ULK4: variants seen among roughly 807,000 people sequenced by gnomAD.
ULK4 encodes the protein inactive serine/threonine-protein kinase ULK4.
Under a neutral mutation model 160.6 loss-of-function variants are expected in ULK4, and 133 were observed. The observed-to-expected ratio is 0.83, with a 90% CI of 0.72 to 0.96. The LOEUF is 0.96. ULK4 is among the 40% of genes least tolerant of loss of function. ULK4 has a pLI of 0.00. For missense variants in ULK4, 1,580 were observed against 1,499.5 expected, an observed-to-expected ratio of 1.05 and a Z score of -0.89; for synonymous variants, 534 against 539.8, an observed-to-expected ratio of 0.99 and a Z score of 0.15.
At chr3:41,759,359 C>G (rs2038912302) in intron 21 of ULK4, among the ~76,000 whole-genome samples, 1 of 152,096 alleles carries the variant, frequency 6.6e-6, no homozygotes, top group African/African-American at 2.4e-5. Context: ...GAAAATAAAT[C>G]CTTTTTAAAG....
intron 3 of ULK4, among the ~76,000 whole-genome samples, chr3:41,937,550 GTTA>G (rs1459718240): frequency 6.7e-6 from 1 of 149,770 alleles, no homozygotes; most frequent in Non-Finnish European, 1.5e-5. Context: ...CTTAGCAGTG[GTTA>G]TTACATTTTT....
intron 19 of ULK4, among the ~76,000 whole-genome samples, chr3:41,809,847 T>C (rs953651787): frequency 6.6e-6 from 1 of 152,232 alleles, no homozygotes; most frequent in Non-Finnish European, 1.5e-5. Flanking sequence ...AGTTTATCTA[T>C]TGGGATGTTG....
At chr3:41,579,739 G>A (rs1351061941) in intron 31 of ULK4, among the ~76,000 whole-genome samples, 9 of 151,948 alleles carry the variant, frequency 5.9e-5, no homozygotes, top group East Asian at 1.9e-4. Flanking sequence ...TGATCCGCCC[G>A]TCTCGGCCTC....
intron 27 of ULK4, among the ~76,000 whole-genome samples, chr3:41,704,230 G>A (rs1020957245): frequency 7.3e-4 from 111 of 152,130 alleles, no homozygotes; most frequent in Admixed American, 5.2e-4. Context: ...AATGCTAAAT[G>A]GGACAGAACA....
intron 35 of ULK4, among the ~76,000 whole-genome samples, chr3:41,320,048 C>T (rs1227954592): frequency 6.6e-6 from 1 of 152,150 alleles, no homozygotes; most frequent in East Asian, 1.9e-4. Context: ...CGATAATAAA[C>T]TTGTGTTTTC....
At chr3:41,665,957 G>T (rs2035338583) in intron 29 of ULK4, among the ~76,000 whole-genome samples, 1 of 152,190 alleles carries the variant, frequency 6.6e-6, no homozygotes, top group Non-Finnish European at 1.5e-5. Context: ...ACAGTGAAAG[G>T]ATGCAGATTA....
chr3:41,508,081 G>T (rs1469881180), intron 32 of ULK4, among the ~76,000 whole-genome samples: 10 of 152,224 alleles, frequency 6.6e-5, no homozygotes, highest in Admixed American at 6.5e-4. Flanking sequence ...TAGAGTCGGT[G>T]CCGCTGGGGA....
chr3:41,919,790 A>C lies in ULK4; in HGVS notation c.570T>G (p.Val190=), dbSNP rs769680520. The change falls in exon 6 of 37, where the codon GTT becomes GTG. Residue 190 remains valine, a synonymous_variant. Coordinates refer to ENST00000301831, the MANE Select transcript of ULK4 (RefSeq NM_017886.4). ...KGSPVYTAPE[V]VRGADFSISS... ...AGATGGAAAAGTCAGCACCCCTCAC[A>C]ACTTCTGGTGCTGTATATACAGGAG... The C allele has an allele frequency of 2.5e-6, 4 of 1,614,084 alleles. No individual in the cohort carries two copies. The highest frequency in any genetic ancestry group is 3.4e-6 in the Non-Finnish European group (4 of 1,179,958).
At chr3:41,274,284 G>A (rs937321780) in intron 35 of ULK4, among the ~76,000 whole-genome samples, 5 of 152,078 alleles carry the variant, frequency 3.3e-5, no homozygotes, top group Non-Finnish European at 7.3e-5. Flanking sequence ...GACCAGATAC[G>A]GAAATTCTCA....
intron 34 of ULK4, among the ~76,000 whole-genome samples, chr3:41,446,259 C>T (rs965931848): frequency 9.2e-4 from 140 of 152,242 alleles, no homozygotes; most frequent in Non-Finnish European, 1.6e-3. Context: ...GAAATAGGAA[C>T]ATTTTTACAC....
At chr3:41,530,325 G>A (rs2086260820) in intron 32 of ULK4, among the ~76,000 whole-genome samples, 1 of 152,166 alleles carries the variant, frequency 6.6e-6, no homozygotes, top group African/African-American at 2.4e-5. Flanking sequence ...AAAAGATAGG[G>A]TTCAGAAAAC....
intron 34 of ULK4, among the ~76,000 whole-genome samples, chr3:41,439,355 C>T (rs2083108085): frequency 6.6e-6 from 1 of 152,100 alleles, no homozygotes; most frequent in South Asian, 2.1e-4. Flanking sequence ...GAAACAAGAG[C>T]ATCACAAAAC....
At chr3:41,395,706 T>A (rs1461587534) in intron 35 of ULK4, among the ~76,000 whole-genome samples, 1 of 152,174 alleles carries the variant, frequency 6.6e-6, no homozygotes, top group African/African-American at 2.4e-5. Context: ...ATAATAGTGA[T>A]GGTTGCACAA....
At chr3:41,388,492 G>C (rs1307556522) in intron 35 of ULK4, among the ~76,000 whole-genome samples, 1 of 152,026 alleles carries the variant, frequency 6.6e-6, no homozygotes, top group South Asian at 2.1e-4. Context: ...TTCATCTAGG[G>C]TTTTTATGGT....
chr3:41,878,081 G>GAAA (rs35037891), intron 17 of ULK4, among the ~76,000 whole-genome samples: 5 of 108,284 alleles, frequency 4.6e-5, no homozygotes, highest in Admixed American at 1.0e-4. Context: ...GCTCTACCAG[G>GAAA]AAAAAAAAAA....
At chr3:41,350,991 C>A (rs1035637797) in intron 35 of ULK4, among the ~76,000 whole-genome samples, 1 of 152,286 alleles carries the variant, frequency 6.6e-6, no homozygotes, top group South Asian at 2.1e-4. Flanking sequence ...TTCTCTCATT[C>A]ATGTGGCAGA....
At chr3:41,308,730 A>G (rs1388638308) in intron 35 of ULK4, among the ~76,000 whole-genome samples, 1 of 152,238 alleles carries the variant, frequency 6.6e-6, no homozygotes, top group Non-Finnish European at 1.5e-5. Flanking sequence ...GAATGCTGAC[A>G]TGATGTTCAA....
At position 41,901,549 on chromosome 3, in the gene ULK4, C is replaced by T. The variant is rs184945030; in HGVS notation, c.1183-720G>A. 2.6e-3 allele frequency among the ~76,000 whole-genome samples: 352 copies of T among 136,582 alleles called. 1 individual carries two copies. Among genetic ancestry groups the T allele is most frequent in the African/African-American group, 7.1e-3 (269 of 37,740 alleles). 89.6% of individuals were successfully genotyped at this position (136,582 alleles called of 152,430 possible). ...AGGCTGGAATGCAGTGGCACAATCTCAGCTCACCGCAACCTCTGCCTCCCG... is the reference window on the plus strand; with the variant it reads ...AGGCTGGAATGCAGTGGCACAATCTTAGCTCACCGCAACCTCTGCCTCCCG... On this transcript the variant is annotated intron_variant, in intron 12 of 36. Transcript: ENST00000301831.
chr3:41,688,434 T>TTG (rs2036171416), intron 27 of ULK4, among the ~76,000 whole-genome samples: 2 of 152,316 alleles, frequency 1.3e-5, no homozygotes, highest in East Asian at 3.9e-4. Context: ...CAAAGGTACT[T>TTG]ACTAAGAATA....
Sources: gnomAD v4.1 joint callset for allele counts (sites outside exome capture counted in the v4.1 genomes callset) on GRCh38, gnomAD v4.1.1 for gene constraint, MANE v1.5 for transcripts, NCBI Gene and HGNC (gene_info 2026-07-23, HGNC 2026-07-21) for gene names.